The following TENM4 variants were observed in gnomAD, a reference collection of about 807,000 sequenced individuals.
TENM4 encodes teneurin-4.
In TENM4, 82 loss-of-function variants were observed where a neutral mutation model predicts 243.3. That is an observed-to-expected ratio of 0.34 (90% confidence interval 0.28 to 0.40). The LOEUF is 0.40. TENM4 is among the 10% of genes least tolerant of loss of function. The pLI, the probability that TENM4 is intolerant of heterozygous loss-of-function variation, is 1.00. For missense variants in TENM4, 3,138 were observed against 3,673.3 expected, an observed-to-expected ratio of 0.85 and a Z score of 3.77; for synonymous variants, 1,412 against 1,456.3, an observed-to-expected ratio of 0.97 and a Z score of 0.69.
At position 79,400,237 on chromosome 11, in the gene TENM4, A is replaced by G. The variant is rs193175374; in HGVS notation, c.-321+40272T>C. On this transcript the variant is annotated intron_variant, in intron 1 of 33. Transcript: ENST00000278550. Reference sequence around the variant, plus strand: ...TATCCATCCTGTTGGGTGATATTCAATGGTTAAATTTGCAGCCTGGAGCCA... The same window carrying G: ...TATCCATCCTGTTGGGTGATATTCAGTGGTTAAATTTGCAGCCTGGAGCCA... Among the ~76,000 whole-genome samples the G allele has an allele frequency of 3.1e-4, 47 of 151,904 alleles. No individual in the cohort carries two copies. In the Middle Eastern group the frequency reaches 0.01, roughly 33 times the overall value.
intron 18 of TENM4, among the ~76,000 whole-genome samples, chr11:78,763,255 T>G (rs965416118): frequency 2.0e-5 from 3 of 152,156 alleles, no homozygotes; most frequent in Non-Finnish European, 2.9e-5. Flanking sequence ...ACACACCCCC[T>G]TTTACATGGT....
At chr11:79,165,229 T>C (rs556452021) in intron 3 of TENM4, among the ~76,000 whole-genome samples, 4 of 152,286 alleles carry the variant, frequency 2.6e-5, no homozygotes, top group African/African-American at 4.8e-5. Flanking sequence ...CTATTTTCCA[T>C]AGTGGTTATA....
intron 3 of TENM4, among the ~76,000 whole-genome samples, chr11:79,212,808 AT>A (rs1301006800): frequency 6.6e-6 from 1 of 152,060 alleles, no homozygotes; most frequent in Non-Finnish European, 1.5e-5. Context: ...TTAGTGTCCC[AT>A]TTACCTCCTC....
chr11:79,426,781 G>A (rs1203966436), intron 1 of TENM4, among the ~76,000 whole-genome samples: 12 of 152,192 alleles, frequency 7.9e-5, no homozygotes, highest in Admixed American at 7.9e-4. Flanking sequence ...GGGAAGATGA[G>A]TTTCGGATGT....
chr11:78,852,792 C>T (rs1382387129), intron 12 of TENM4, among the ~76,000 whole-genome samples: 2 of 152,170 alleles, frequency 1.3e-5, no homozygotes, highest in African/African-American at 4.8e-5. Context: ...GTCTGTCACC[C>T]AGGCTGGAGT....
At chr11:79,162,178 G>T (rs1476375560) in intron 3 of TENM4, among the ~76,000 whole-genome samples, 2 of 152,336 alleles carry the variant, frequency 1.3e-5, no homozygotes, top group East Asian at 3.9e-4. Flanking sequence ...GCTTTCCATG[G>T]TAATTGGTGG....
At chr11:78,964,971 G>T (rs1223984433) in intron 6 of TENM4, among the ~76,000 whole-genome samples, 1 of 152,088 alleles carries the variant, frequency 6.6e-6, no homozygotes, top group Admixed American at 6.6e-5. Context: ...GGGTTCAAGA[G>T]ATTCTCCTGC....
chr11:79,234,166 A>T (rs978060578), intron 2 of TENM4, among the ~76,000 whole-genome samples: 10 of 152,212 alleles, frequency 6.6e-5, no homozygotes, highest in African/African-American at 2.4e-4. Context: ...TGTTAATTGA[A>T]ATAAGCTTGC....
At chr11:78,930,420 C>T (rs185146526) in intron 6 of TENM4, among the ~76,000 whole-genome samples, 4 of 152,278 alleles carry the variant, frequency 2.6e-5, no homozygotes, top group South Asian at 2.1e-4. Context: ...GGGAAAGGAA[C>T]TTGGAGTTAG....
At chr11:78,701,471 T>C (rs1285491619) in intron 28 of TENM4, 55 bp downstream of exon 28, 1 of 1,504,896 alleles carries the variant, frequency 6.6e-7, no homozygotes, top group African/African-American at 1.4e-5. Context: ...TTACCTCCAA[T>C]CCTACAATGA....
Position 78,670,457 on chromosome 11 carries a change from C to A in TENM4, c.5888G>T (p.Arg1963Leu). The A allele has an allele frequency of 1.2e-6, 2 of 1,613,916 alleles. No homozygotes were observed. Among genetic ancestry groups the A allele is most frequent in the South Asian group, 2.2e-5 (2 of 91,074 alleles). The change falls in exon 32 of 34, where the codon CGG (arginine) becomes CTG (leucine). Residue 1963 changes from arginine (R) to leucine (L), a missense_variant. This residue lies in a region of TENM4 where 2,467 missense variants were observed against 3,059.1 expected (regional missense o/e 0.81). Transcript: ENST00000278550. ...TGAGCGGATGGTCTCTAGTGTCTGC[C>A]GCGCCACGTTGGGCATCGTCACAGA... ...LSSVTMPNVA[R>L]QTLETIRSVG... is the part of the protein sequence containing the mutation.
intron 2 of TENM4, among the ~76,000 whole-genome samples, chr11:79,251,122 G>A (rs1262727841): frequency 6.6e-6 from 1 of 152,148 alleles, no homozygotes; most frequent in East Asian, 1.9e-4. Flanking sequence ...ACAGGCACAC[G>A]TCTTAATAGC....
At chr11:79,341,418 C>T (rs943426906) in intron 1 of TENM4, among the ~76,000 whole-genome samples, 1 of 152,186 alleles carries the variant, frequency 6.6e-6, no homozygotes, top group Non-Finnish European at 1.5e-5. Context: ...CATTATCACA[C>T]TCAATCTTAC....
intron 2 of TENM4, among the ~76,000 whole-genome samples, chr11:79,280,838 G>A (rs76316222): frequency 0.11 from 17,126 of 152,238 alleles, 982 homozygotes; most frequent in South Asian, 0.13. Flanking sequence ...AGCAGGAGCT[G>A]TGGGCCCTGC....
At chr11:79,080,107 C>CGG (rs1304996790) in intron 4 of TENM4, among the ~76,000 whole-genome samples, 1 of 152,196 alleles carries the variant, frequency 6.6e-6, no homozygotes, top group Non-Finnish European at 1.5e-5. Context: ...GACTGAAGAC[C>CGG]GGGCTGGTCT....
chr11:79,385,667 C>G (rs909563298), intron 1 of TENM4, among the ~76,000 whole-genome samples: 2 of 152,170 alleles, frequency 1.3e-5, no homozygotes, highest in African/African-American at 4.8e-5. Context: ...TACTTTACAG[C>G]TATAGAAAAT....
chr11:78,844,848 C>T (rs970681618), intron 12 of TENM4, among the ~76,000 whole-genome samples: 26 of 152,202 alleles, frequency 1.7e-4, no homozygotes, highest in African/African-American at 6.3e-4. Context: ...TTTTAAACCA[C>T]TCAGTTTGTG....
chr11:79,219,554 T>C (rs927940670), intron 2 of TENM4, among the ~76,000 whole-genome samples: 17 of 152,178 alleles, frequency 1.1e-4, no homozygotes, highest in Non-Finnish European at 4.4e-5. Flanking sequence ...GCAAGCATTA[T>C]CCTTCCAGAC....
At chr11:78,700,909 A>G (rs1859086321) in intron 28 of TENM4, among the ~76,000 whole-genome samples, 1 of 152,228 alleles carries the variant, frequency 6.6e-6, no homozygotes. Context: ...AGCTCTCTTC[A>G]TATTACAGCG....
Sources: allele counts gnomAD v4.1 joint callset (sites outside exome capture counted in the v4.1 genomes callset), GRCh38; gene constraint gnomAD v4.1.1; regional missense constraint gnomAD v4.1.1; transcripts MANE v1.5; gene names NCBI Gene and HGNC (gene_info 2026-07-23, HGNC 2026-07-21).